The following KANSL1 variants were observed in gnomAD, a reference collection of about 807,000 sequenced individuals.
KANSL1 encodes the protein MLL1/MLL complex subunit KANSL1.
Under a neutral mutation model 103.6 loss-of-function variants are expected in KANSL1, and 22 were observed. The ratio of observed to expected loss-of-function variants is 0.21; its 90% CI spans 0.15 to 0.30. KANSL1 has a LOEUF of 0.30. KANSL1 is among the 10% of genes least tolerant of loss of function. The probability of loss-of-function intolerance (pLI) is 1.00; values close to 1 mark genes in which losing one functional copy is unlikely to be tolerated. For missense variants in KANSL1, 1,337 were observed against 1,399.8 expected (o/e 0.96, Z 0.72); for synonymous variants, 600 against 527.6 (o/e 1.14, Z -1.88).
Position 46,031,482 on chromosome 17 carries a change from G to C in KANSL1, c.3312C>G (p.His1104Gln), listed in dbSNP as rs1241193511. The C allele has an allele frequency of 1.2e-6, 2 of 1,604,666 alleles. No individual in the cohort carries two copies. The highest frequency in any genetic ancestry group is 1.7e-6 in the Non-Finnish European group (2 of 1,173,556). Residue 1104 changes from histidine (H) to glutamine (Q), a missense_variant, in exon 15 of 15, where the codon CAC becomes CAG. Around this residue, in one of 2 missense-constraint regions of KANSL1, gnomAD observed 780 missense variants for 923.4 expected, o/e 0.84. Coordinates refer to ENST00000432791, the MANE Select transcript of KANSL1 (RefSeq NM_015443.4). Reference sequence around the variant, plus strand: ...TTAGATGGCTGTCTCCCGCTCATCTGTGAGTCGGGCGCTGAGCTGTGGCTG... The same window carrying C: ...TTAGATGGCTGTCTCCCGCTCATCTCTGAGTCGGGCGCTGAGCTGTGGCTG... ...VAAATAQRPT[H>Q]R
At chr17:46,092,787 G>T (rs1184277232) in intron 3 of KANSL1, 12 of 142,508 alleles carry the variant, frequency 8.4e-5, no homozygotes, top group Admixed American at 3.7e-4. Context: ...TTGATACACA[G>T]TATTTCATCA....
intron 2 of KANSL1, among the ~76,000 whole-genome samples, chr17:46,137,990 C>T (rs1343512955): frequency 6.6e-6 from 1 of 152,198 alleles, no homozygotes; most frequent in Non-Finnish European, 1.5e-5. Flanking sequence ...CTCCAGCTAC[C>T]CTCAGGAGTG....
chr17:46,186,598 C>G (rs1256983977), intron 1 of KANSL1, among the ~76,000 whole-genome samples: 1 of 152,192 alleles, frequency 6.6e-6, no homozygotes, highest in East Asian at 1.9e-4. Flanking sequence ...GAGTAAATCA[C>G]TAAGTGCAAA....
intron 2 of KANSL1, among the ~76,000 whole-genome samples, chr17:46,149,176 G>C (rs1468138031): frequency 4.6e-5 from 7 of 151,694 alleles, no homozygotes; most frequent in Non-Finnish European, 1.0e-4. Context: ...CTGATTTTTT[G>C]TATTTTTAGT....
chr17:46,047,561 T>G (rs967750665), intron 7 of KANSL1, among the ~76,000 whole-genome samples: 9 of 152,004 alleles, frequency 5.9e-5, no homozygotes, highest in Middle Eastern at 3.4e-3. Context: ...CCAAGATGGG[T>G]GGATCACTTG....
intron 2 of KANSL1, among the ~76,000 whole-genome samples, chr17:46,105,432 CATGGTGAA>C (rs1361763486): frequency 6.6e-6 from 1 of 152,012 alleles, no homozygotes; most frequent in Non-Finnish European, 1.5e-5. Flanking sequence ...GCCTGACCAA[CATGGTGAA>C]ACCCCGTCTC....
intron 6 of KANSL1, among the ~76,000 whole-genome samples, chr17:46,056,428 C>T (rs142569748): frequency 1.6e-3 from 240 of 151,668 alleles, no homozygotes; most frequent in African/African-American, 5.5e-3. Context: ...ACCTTGACTC[C>T]GCCACTTACT....
intron 1 of KANSL1, among the ~76,000 whole-genome samples, chr17:46,219,344 G>C (rs2048444818): frequency 6.6e-6 from 1 of 151,438 alleles, no homozygotes. Context: ...AAAACTTTAA[G>C]AACAAGTTAA....
At chr17:46,054,193 C>A (rs62063680) in intron 6 of KANSL1, among the ~76,000 whole-genome samples, 21,790 of 152,192 alleles carry the variant, frequency 0.14, 2,129 homozygotes, top group Non-Finnish European at 0.22. Context: ...GCTGGGATTG[C>A]AGGCATGCAC....
chr17:46,197,120 A>C (rs571820767), upstream of KANSL1, among the ~76,000 whole-genome samples: 1 of 152,314 alleles, frequency 6.6e-6, no homozygotes, highest in Non-Finnish European at 1.5e-5. Context: ...TCTCCAAAAA[A>C]AGAAAAAGAA....
intron 1 of KANSL1, among the ~76,000 whole-genome samples, chr17:46,199,281 G>C (rs1317714597): frequency 1.3e-5 from 2 of 152,192 alleles, no homozygotes; most frequent in Non-Finnish European, 2.9e-5. Context: ...TACTCAATTG[G>C]TGAACTGGAT....
chr17:46,064,668 T>TTCAC (rs935973162), intron 6 of KANSL1, among the ~76,000 whole-genome samples: 3 of 152,130 alleles, frequency 2.0e-5, no homozygotes, highest in African/African-American at 7.2e-5. Context: ...CCCCTTGCCT[T>TTCAC]TCACATACCA....
At chr17:46,060,979 T>G (rs537991849) in intron 6 of KANSL1, among the ~76,000 whole-genome samples, 1 of 152,160 alleles carries the variant, frequency 6.6e-6, no homozygotes, top group African/African-American at 2.4e-5. Context: ...ACACTGCCAA[T>G]TTGTTAGGAA....
chr17:46,060,421 A>T (rs2078115990), intron 6 of KANSL1, among the ~76,000 whole-genome samples: 1 of 152,200 alleles, frequency 6.6e-6, no homozygotes, highest in African/African-American at 2.4e-5. Context: ...GTCTTTCAAA[A>T]TTTATTTTGT....
chr17:46,134,871 C>T (rs566059259), intron 2 of KANSL1, among the ~76,000 whole-genome samples: 39 of 151,514 alleles, frequency 2.6e-4, no homozygotes, highest in Admixed American at 7.9e-4. Context: ...GAAGATGGGG[C>T]GGAAGAATAG....
intron 2 of KANSL1, among the ~76,000 whole-genome samples, chr17:46,109,966 G>A (rs927279356): frequency 6.6e-6 from 1 of 152,232 alleles, no homozygotes; most frequent in African/African-American, 2.4e-5. Context: ...GTGAGAGGGT[G>A]ACTAGGGAGA....
chr17:46,224,527 T>C (rs948160306), upstream of KANSL1: 1 of 147,340 alleles, frequency 6.8e-6, no homozygotes, highest in Non-Finnish European at 1.5e-5. Flanking sequence ...TGTCGAAAAG[T>C]ACCCCTTTTT....
At chr17:46,086,372 C>G (rs753511226) in intron 3 of KANSL1, among the ~76,000 whole-genome samples, 63 of 152,132 alleles carry the variant, frequency 4.1e-4, no homozygotes, top group Non-Finnish European at 3.4e-4. Flanking sequence ...CTCTACAGGC[C>G]AATACATGGC....
intron 1 of KANSL1, among the ~76,000 whole-genome samples, chr17:46,206,290 G>A (rs1202568118): frequency 1.3e-5 from 2 of 152,148 alleles, no homozygotes; most frequent in Admixed American, 6.5e-5. Flanking sequence ...TCAAAGCTAT[G>A]GAAATCAAGA....
Sources: gnomAD v4.1 joint callset for allele counts (sites outside exome capture counted in the v4.1 genomes callset) on GRCh38, gnomAD v4.1.1 for gene constraint, gnomAD v4.1.1 regional missense constraint, MANE v1.5 for transcripts, NCBI Gene and HGNC (gene_info 2026-07-23, HGNC 2026-07-21) for gene names.